AK5: variants seen among roughly 807,000 people sequenced by gnomAD.
AK5 encodes the protein adenylate kinase isoenzyme 5.
AK5 carries 27 observed loss-of-function variants against 69.5 expected under a neutral mutation model. That is an observed-to-expected ratio of 0.39 (90% CI 0.29 to 0.54). The LOEUF is 0.54. Among genes scored for constraint, AK5 ranks in the 20% least tolerant of loss-of-function variants. The pLI is 0.71. For missense variants in AK5, 531 were observed against 700.4 expected (o/e 0.76, Z 2.73); for synonymous variants, 260 against 244.4 (o/e 1.06, Z -0.60).
At chr1:77,538,722 C>T (rs983511496) in intron 13 of AK5, among the ~76,000 whole-genome samples, 1 of 152,052 alleles carries the variant, frequency 6.6e-6, no homozygotes, top group South Asian at 2.1e-4. Flanking sequence ...TGGGAAAATT[C>T]CTAAGTAATT....
At chr1:77,282,426 G>A in intron 1 of AK5, 53 bp downstream of exon 1, 1 of 1,521,100 alleles carries the variant, frequency 6.6e-7, no homozygotes, top group Non-Finnish European at 8.8e-7. Flanking sequence ...GCATCTCAGG[G>A]GTTCGGGTTG....
chr1:77,297,872 A>G lies in AK5; in HGVS notation c.624A>G (p.Gln208=). 6.2e-7 allele frequency: 1 copy of G among 1,613,454 alleles called. No homozygotes were observed. The highest frequency in any genetic ancestry group is 8.5e-7 in the Non-Finnish European group (1 of 1,179,822). The part of the protein sequence containing the change: ...TITEIKQKLM[Q]IPDEEGIVID... Reference sequence around the variant, plus strand: ...CAGAGATAAAACAAAAATTGATGCAAATACCTGATGAAGAGGGCATTGTTA... The same window carrying G: ...CAGAGATAAAACAAAAATTGATGCAGATACCTGATGAAGAGGGCATTGTTA... The change falls in exon 5 of 14, where the codon CAA becomes CAG. Residue 208 remains glutamine (Q), a synonymous_variant. Coordinates refer to ENST00000354567, the MANE Select transcript of AK5 (RefSeq NM_174858.3).
intron 5 of AK5, among the ~76,000 whole-genome samples, chr1:77,317,687 A>G (rs1054022497): frequency 6.6e-6 from 1 of 152,146 alleles, no homozygotes; most frequent in African/African-American, 2.4e-5. Flanking sequence ...GGCCAGACTA[A>G]TCTTTCTGAA....
chr1:77,410,143 G>T (rs1416052491), intron 6 of AK5, among the ~76,000 whole-genome samples: 1 of 151,532 alleles, frequency 6.6e-6, no homozygotes, highest in East Asian at 1.9e-4. Context: ...TTAAAATTTT[G>T]TAAATTTTAG....
At position 77,353,781 on chromosome 1, in the gene AK5, A is replaced by C. The variant is rs996348915; in HGVS notation, c.891+13213A>C. On this transcript the variant is annotated intron_variant, in intron 6 of 13. Transcript: ENST00000354567. ...AGGGCCCTTCCCCAGGCACAACTGC[A>C]GGATGCTTCCAGCTAGTTTAACCCA... 9.2e-5 allele frequency among the ~76,000 whole-genome samples: 14 copies of C among 152,176 alleles called. No individual in the cohort carries two copies. The South Asian group carries it at 2.9e-3, about 32-fold the overall frequency.
rs368841399 is a variant in AK5 at position 77,558,582 on chromosome 1, T to G, written c.1621-20T>G. On this transcript the variant is annotated intron_variant, in intron 13 of 13. Transcript: ENST00000354567. ...TACAGATATTTCAGACTAACTCTCT[T>G]TTTTTCCTTTTAAATATAGATAAAT... The G allele has an allele frequency of 6.8e-7, 1 of 1,463,632 alleles. No individual in the cohort carries two copies. The highest frequency in any genetic ancestry group is 1.4e-5 in the African/African-American group (1 of 72,494). The allele number at this position is 1,463,632 out of a possible 1,614,324, so 90.7% of individuals were successfully genotyped here. A position where few individuals can be genotyped will look rare whatever the true frequency, so the allele number is the denominator to read the frequency against.
intron 12 of AK5, among the ~76,000 whole-genome samples, chr1:77,529,991 C>A (rs1264347116): frequency 6.6e-6 from 1 of 152,178 alleles, no homozygotes; most frequent in Non-Finnish European, 1.5e-5. Context: ...GATCCCTCTG[C>A]CTTACTACTC....
At position 77,435,824 on chromosome 1, in the gene AK5, T is replaced by C. The variant is rs932404407; in HGVS notation, c.1059+18109T>C. Among the ~76,000 whole-genome samples the C allele has an allele frequency of 2.6e-5, 4 of 152,214 alleles. No homozygotes were observed. The East Asian group carries it at 5.8e-4, about 22-fold the overall frequency. ...CTTAGTTGTAAATTAAGTTTTAACTTATAAACTAAGTTATGTATATAATCC... is the reference window on the plus strand; with the variant it reads ...CTTAGTTGTAAATTAAGTTTTAACTCATAAACTAAGTTATGTATATAATCC... On this transcript the variant is annotated intron_variant, in intron 8 of 13. Coordinates refer to ENST00000354567, the MANE Select transcript of AK5 (RefSeq NM_174858.3).
intron 13 of AK5, among the ~76,000 whole-genome samples, chr1:77,554,177 G>A (rs1436792790): frequency 6.6e-6 from 1 of 152,098 alleles, no homozygotes; most frequent in Non-Finnish European, 1.5e-5. Flanking sequence ...ATCACCCCAT[G>A]CAGCATTTGC....
chr1:77,416,456 G>A (rs1376642867), intron 7 of AK5, among the ~76,000 whole-genome samples: 2 of 152,188 alleles, frequency 1.3e-5, no homozygotes, highest in African/African-American at 4.8e-5. Context: ...TGATGGTTTA[G>A]TATGTCCATT....
intron 12 of AK5, among the ~76,000 whole-genome samples, chr1:77,533,509 C>CAAAAAAAAAAAAAAAAAAAAAA (rs10526328): frequency 3.2e-5 from 3 of 94,972 alleles, no homozygotes; most frequent in African/African-American, 1.5e-4. Flanking sequence ...ACTCTGTCAC[C>CAAAAAAAAAAAAAAAAAAAAAA]AAAAAAAAAA....
intron 1 of AK5, chr1:77,282,993 AG>A: frequency 1.0e-6 from 1 of 985,490 alleles, no homozygotes; most frequent in African/African-American, 1.7e-5. Context: ...TTGCCTAGGA[AG>A]GGTTGGGCCG....
intron 6 of AK5, among the ~76,000 whole-genome samples, chr1:77,365,509 A>G (rs115549091): frequency 0.016 from 2,384 of 152,308 alleles, 68 homozygotes; most frequent in African/African-American, 0.055. Flanking sequence ...GGCACAAGGG[A>G]CCAGTTTTGT....
Position 77,297,877 on chromosome 1 carries a change from C to T in AK5, c.629C>T (p.Pro210Leu), listed in dbSNP as rs1202833500. Residue 210 changes from proline (P) to leucine (L), a missense_variant, in exon 5 of 14, where the codon CCT (proline) becomes CTT (leucine). Pro to Leu is a moderately conservative substitution (Grantham distance 98, BLOSUM62 -3). Transcript: ENST00000354567. The part of the protein sequence containing the change: ...TEIKQKLMQI[P>L]DEEGIVIDGF... ...ATAAAACAAAAATTGATGCAAATAC[C>T]TGATGAAGAGGGCATTGTTATTGAT... is the stretch of plus-strand genomic sequence containing the variant. The T allele has an allele frequency of 2.5e-6, 4 of 1,613,176 alleles. No individual in the cohort carries two copies. In the African/African-American group the frequency reaches 5.3e-5, roughly 22 times the overall value.
chr1:77,307,933 G>T (rs922556529), intron 5 of AK5, among the ~76,000 whole-genome samples: 1 of 152,114 alleles, frequency 6.6e-6, no homozygotes, highest in South Asian at 2.1e-4. Flanking sequence ...ATAGATAGTC[G>T]TCAACTTGGT....
At chr1:77,503,099 T>G (rs1358732482) in intron 10 of AK5, among the ~76,000 whole-genome samples, 6 of 152,244 alleles carry the variant, frequency 3.9e-5, no homozygotes, top group Non-Finnish European at 1.5e-5. Flanking sequence ...CATTTCTGTC[T>G]GGTGTCCTAG....
chr1:77,345,427 A>G (rs2054017), intron 6 of AK5, among the ~76,000 whole-genome samples: 13,871 of 152,284 alleles, frequency 0.091, 761 homozygotes, highest in East Asian at 0.2. Flanking sequence ...GGGAAGGGCT[A>G]CACTGCTATT....
intron 6 of AK5, among the ~76,000 whole-genome samples, chr1:77,350,728 A>G (rs1434258185): frequency 6.6e-6 from 1 of 152,206 alleles, no homozygotes; most frequent in Non-Finnish European, 1.5e-5. Context: ...GGCGTAACAT[A>G]CATTTTCCCA....
chr1:77,440,769 TG>T (rs1652275864), intron 8 of AK5, among the ~76,000 whole-genome samples: 1 of 152,104 alleles, frequency 6.6e-6, no homozygotes, highest in South Asian at 2.1e-4. Flanking sequence ...TTTTGTTTTT[TG>T]AGACAGTCTC....
Sources: gnomAD v4.1 joint callset for allele counts (sites outside exome capture counted in the v4.1 genomes callset) on GRCh38, gnomAD v4.1.1 for gene constraint, MANE v1.5 for transcripts, NCBI Gene and HGNC (gene_info 2026-07-23, HGNC 2026-07-21) for gene names.